The following KCNH7 variants were observed in gnomAD, a reference collection of about 807,000 sequenced individuals.
KCNH7 encodes the protein potassium voltage-gated channel subfamily H member 7.
In KCNH7, 49 loss-of-function variants were observed where a neutral mutation model predicts 120.8. The observed-to-expected ratio is 0.41, with a 90% confidence interval of 0.32 to 0.51. The LOEUF is 0.51. KCNH7 is among the 20% of genes least tolerant of loss of function. KCNH7 has a pLI of 0.38. For synonymous variants in KCNH7, 547 were observed against 516.1 expected (o/e 1.06, Z -0.81); for missense variants, 1,097 against 1,446.6 (o/e 0.76, Z 3.92).
chr2:162,540,845 G>C (rs1247732194), intron 2 of KCNH7, among the ~76,000 whole-genome samples: 1 of 152,100 alleles, frequency 6.6e-6, no homozygotes, highest in Admixed American at 6.6e-5. Context: ...GATGGAAGGA[G>C]GGAGACCAGT....
chr2:162,622,150 T>A (rs1442369323), intron 2 of KCNH7, among the ~76,000 whole-genome samples: 1 of 152,210 alleles, frequency 6.6e-6, no homozygotes, highest in Non-Finnish European at 1.5e-5. Context: ...TATGCATAGT[T>A]ATCAAATATA....
At chr2:162,833,755 T>A (rs1685557981) in intron 2 of KCNH7, among the ~76,000 whole-genome samples, 1 of 152,140 alleles carries the variant, frequency 6.6e-6, no homozygotes, top group African/African-American at 2.4e-5. Flanking sequence ...ACTCATTGCA[T>A]AGATCACGGG....
At chr2:162,809,716 T>A (rs1486670702) in intron 2 of KCNH7, among the ~76,000 whole-genome samples, 1 of 152,136 alleles carries the variant, frequency 6.6e-6, no homozygotes, top group Non-Finnish European at 1.5e-5. Flanking sequence ...ATGTAAACAT[T>A]TCTAGATATT....
intron 14 of KCNH7, among the ~76,000 whole-genome samples, chr2:162,379,011 C>T (rs540387229): frequency 6.6e-6 from 1 of 152,306 alleles, no homozygotes; most frequent in Admixed American, 6.5e-5. Context: ...TTTTACCATG[C>T]TTGTGCGTGT....
intron 2 of KCNH7, among the ~76,000 whole-genome samples, chr2:162,780,466 G>C (rs184887215): frequency 1.6e-4 from 25 of 152,254 alleles, no homozygotes; most frequent in African/African-American, 5.8e-4. Context: ...GCCAGTGCTA[G>C]GGTAGTTGTA....
chr2:162,737,628 T>C (rs1687962763), intron 2 of KCNH7, among the ~76,000 whole-genome samples: 1 of 152,158 alleles, frequency 6.6e-6, no homozygotes, highest in South Asian at 2.1e-4. Context: ...TAATGACTAA[T>C]AGACAAAAAT....
intron 9 of KCNH7, among the ~76,000 whole-genome samples, chr2:162,406,811 C>T (rs897922187): frequency 6.6e-6 from 1 of 151,936 alleles, no homozygotes; most frequent in South Asian, 2.1e-4. Context: ...TAAAAGCTAA[C>T]GTCCCAACAT....
intron 6 of KCNH7, among the ~76,000 whole-genome samples, chr2:162,454,576 A>G (rs1449796125): frequency 6.6e-6 from 1 of 152,094 alleles, no homozygotes; most frequent in African/African-American, 2.4e-5. Flanking sequence ...GATTCTTCCC[A>G]TCCATGAGCA....
chr2:162,782,791 G>T (rs574363841), intron 2 of KCNH7, among the ~76,000 whole-genome samples: 1 of 152,288 alleles, frequency 6.6e-6, no homozygotes, highest in African/African-American at 2.4e-5. Context: ...GGCCATCCAT[G>T]GAACAGGCAT....
At chr2:162,604,863 G>A (rs954146584) in intron 2 of KCNH7, among the ~76,000 whole-genome samples, 1 of 152,038 alleles carries the variant, frequency 6.6e-6, no homozygotes, top group African/African-American at 2.4e-5. Context: ...TGCAAAGCAA[G>A]AAAAGTCTAT....
chr2:162,518,584 G>C (rs1229347386), intron 3 of KCNH7, among the ~76,000 whole-genome samples: 3 of 151,746 alleles, frequency 2.0e-5, no homozygotes, highest in African/African-American at 7.3e-5. Flanking sequence ...ATGGGTGATG[G>C]GGAGCTAATG....
chr2:162,591,173 C>T (rs963079019), intron 2 of KCNH7, among the ~76,000 whole-genome samples: 3 of 152,126 alleles, frequency 2.0e-5, no homozygotes, highest in African/African-American at 4.8e-5. Flanking sequence ...CCTTTCTCAA[C>T]AAGATTATCT....
At chr2:162,820,254 T>TGTGTGTGTG (rs59154139) in intron 2 of KCNH7, among the ~76,000 whole-genome samples, 115 of 147,626 alleles carry the variant, frequency 7.8e-4, no homozygotes, top group South Asian at 1.3e-3. Context: ...TGTGTGTGTG[T>TGTGTGTGTG]TTAGTAGAGA....
chr2:162,496,900 G>A (rs967279536), intron 6 of KCNH7: 1 of 152,042 alleles, frequency 6.6e-6, no homozygotes, highest in Non-Finnish European at 1.5e-5. Context: ...CAATTTGAAG[G>A]AAACTACAGA....
At chr2:162,452,338 T>C (rs995123245) in intron 6 of KCNH7, among the ~76,000 whole-genome samples, 1 of 152,092 alleles carries the variant, frequency 6.6e-6, no homozygotes, top group Non-Finnish European at 1.5e-5. Context: ...TGGAGTTTCC[T>C]GATTGAAAAA....
chr2:162,453,138 G>T (rs1302675134), intron 6 of KCNH7, among the ~76,000 whole-genome samples: 2 of 151,708 alleles, frequency 1.3e-5, no homozygotes, highest in Non-Finnish European at 2.9e-5. Flanking sequence ...CCTCTGTGTG[G>T]GTGTGTGTTG....
chr2:162,741,549 C>T (rs192730444), intron 2 of KCNH7, among the ~76,000 whole-genome samples: 1 of 151,974 alleles, frequency 6.6e-6, no homozygotes, highest in Non-Finnish European at 1.5e-5. Flanking sequence ...ACTGTTTTAC[C>T]AGCATGCTCA....
At chr2:162,828,443 T>C (rs889504021) in intron 2 of KCNH7, among the ~76,000 whole-genome samples, 1 of 152,142 alleles carries the variant, frequency 6.6e-6, no homozygotes, top group Non-Finnish European at 1.5e-5. Context: ...ATCTACATGA[T>C]GGGCAACAGA....
At chr2:162,836,337 C>T (rs1159865283) in intron 2 of KCNH7, among the ~76,000 whole-genome samples, 200 bp downstream of exon 2, 1 of 152,160 alleles carries the variant, frequency 6.6e-6, no homozygotes. Context: ...GAAGAGATTA[C>T]AGTACCCTTA....
Sources: gnomAD v4.1 joint callset for allele counts (sites outside exome capture counted in the v4.1 genomes callset) on GRCh38, gnomAD v4.1.1 for gene constraint, MANE v1.5 for transcripts, NCBI Gene and HGNC (gene_info 2026-07-23, HGNC 2026-07-21) for gene names.